The following ZC3H3 variants were observed in gnomAD, a reference collection of about 807,000 sequenced individuals.
The protein encoded by ZC3H3 is zinc finger CCCH-type containing 3, also known as zinc finger CCCH domain-containing protein 3.
ZC3H3 carries 36 observed loss-of-function variants against 77.3 expected under a neutral mutation model. The observed-to-expected ratio is 0.47, with a 90% CI of 0.36 to 0.61. ZC3H3 has a LOEUF of 0.61. Ranked by LOEUF, ZC3H3 falls within the 20% of genes least tolerant of loss-of-function variation. The probability of loss-of-function intolerance (pLI) is 0.00; values close to 1 mark genes in which losing one functional copy is unlikely to be tolerated. For synonymous variants in ZC3H3, 626 were observed against 555.2 expected (o/e 1.13, Z -1.79); for missense variants, 1,331 against 1,312.2 (o/e 1.01, Z -0.22).
At chr8:143,499,071 C>T (rs1428353984) in intron 4 of ZC3H3, among the ~76,000 whole-genome samples, 1 of 152,222 alleles carries the variant, frequency 6.6e-6, no homozygotes, top group Non-Finnish European at 1.5e-5. Flanking sequence ...CCACGCAAGC[C>T]GCATTTCTGG....
intron 5 of ZC3H3, among the ~76,000 whole-genome samples, chr8:143,472,127 T>G (rs1028284877): frequency 2.0e-5 from 3 of 152,228 alleles, no homozygotes; most frequent in Non-Finnish European, 4.4e-5. Context: ...GACCCCTGCC[T>G]GCCCTGGCTG....
chr8:143,440,994 CG>C lies in ZC3H3; in HGVS notation c.2433del (p.Ala812ProfsTer87). On this transcript the variant is annotated frameshift_variant, in exon 10 of 12. Coordinates refer to ENST00000262577, the MANE Select transcript of ZC3H3 (RefSeq NM_015117.3). LOFTEE classifies it high-confidence loss of function. ...KRHSRRAATS[P>X]APGPSDATAR... ...GCGGTTGCGTCGCTGGGCCCTGGGGCGGGGGACGTGGCTGCCCGCCGACTGT... is the reference window on the plus strand; with the variant it reads ...GCGGTTGCGTCGCTGGGCCCTGGGGCGGGGACGTGGCTGCCCGCCGACTGT... 1.4e-6 allele frequency: 2 copies of C among 1,469,176 alleles called. No individual in the cohort carries two copies. Among genetic ancestry groups the C allele is most frequent in the Non-Finnish European group, 8.9e-7 (1 of 1,117,810 alleles). 91.0% of individuals were successfully genotyped at this position (1,469,176 alleles called of 1,614,324 possible). A position where few individuals can be genotyped will look rare whatever the true frequency, so the allele number is the denominator to read the frequency against.
At chr8:143,495,063 T>G (rs1264993572) in intron 4 of ZC3H3, among the ~76,000 whole-genome samples, 1 of 152,138 alleles carries the variant, frequency 6.6e-6, no homozygotes, top group Admixed American at 6.5e-5. Context: ...TCAGCAGATG[T>G]CTTACGTCCC....
chr8:143,522,797 C>T (rs181438620), intron 3 of ZC3H3, among the ~76,000 whole-genome samples: 72 of 152,248 alleles, frequency 4.7e-4, no homozygotes, highest in Middle Eastern at 3.4e-3. Context: ...TGGTGGCGCA[C>T]ACCTGTAGTC....
At chr8:143,523,241 T>G (rs1311874358) in intron 3 of ZC3H3, 15 of 921,460 alleles carry the variant, frequency 1.6e-5, no homozygotes, top group Non-Finnish European at 1.6e-5. Flanking sequence ...CACCTCCCAC[T>G]GCACACAACC....
At chr8:143,510,769 C>T (rs1230898662) in intron 3 of ZC3H3, among the ~76,000 whole-genome samples, 1 of 152,060 alleles carries the variant, frequency 6.6e-6, no homozygotes, top group African/African-American at 2.4e-5. Context: ...TGTAGATAAT[C>T]GTGTTATTTA....
intron 4 of ZC3H3, among the ~76,000 whole-genome samples, chr8:143,505,472 G>C (rs977445709): frequency 2.0e-5 from 3 of 152,204 alleles, no homozygotes; most frequent in Non-Finnish European, 2.9e-5. Context: ...GCAGGTGGCA[G>C]GTGACCCTGG....
intron 9 of ZC3H3, among the ~76,000 whole-genome samples, chr8:143,447,738 C>T (rs371251890): frequency 6.6e-6 from 1 of 152,074 alleles, no homozygotes; most frequent in Non-Finnish European, 1.5e-5. Context: ...AGCAGGAGGA[C>T]GAGAGAGAGC....
At chr8:143,469,191 C>T (rs1820495727) in intron 5 of ZC3H3, among the ~76,000 whole-genome samples, 1 of 152,252 alleles carries the variant, frequency 6.6e-6, no homozygotes, top group East Asian at 1.9e-4. Context: ...AACAGAACAG[C>T]TGCTAACAGC....
In ZC3H3 at chr8:143,500,954, A is replaced by G. The variant is rs1341287024; in HGVS notation, c.1715+6792T>C. Among the ~76,000 whole-genome samples, 3 of 150,018 alleles carry G rather than the reference A, an allele frequency of 2.0e-5. No individual in the cohort carries two copies. The East Asian group carries it at 5.9e-4, about 29-fold the overall frequency. ...CAGCCTCCCAAGTAACTGAGATTAC[A>G]AGTGCCTGCTACCATGCCCGACCTT... On this transcript the variant is annotated intron_variant, in intron 4 of 11. Transcript: ENST00000262577.
In ZC3H3 at chr8:143,517,363, G is replaced by C. The variant is rs78273636; in HGVS notation, c.1562-9464C>G. 4.6e-3 allele frequency among the ~76,000 whole-genome samples: 704 copies of C among 152,286 alleles called. 5 individuals carry two copies. Among genetic ancestry groups the C allele is most frequent in the African/African-American group, 0.016 (653 of 41,544 alleles). Reference sequence around the variant, plus strand: ...GACAGTGCAGCAGGCAGCTAAGGGGGTTCCCAAAAAGGGTGAACACAGGCC... The same window carrying C: ...GACAGTGCAGCAGGCAGCTAAGGGGCTTCCCAAAAAGGGTGAACACAGGCC... On this transcript the variant is annotated intron_variant, in intron 3 of 11. Transcript: ENST00000262577.
At chr8:143,535,734 T>C (rs1822773904) in intron 3 of ZC3H3, among the ~76,000 whole-genome samples, 1 of 152,336 alleles carries the variant, frequency 6.6e-6, no homozygotes, top group Non-Finnish European at 1.5e-5. Flanking sequence ...CTCAGACCAG[T>C]TCTCTCCAGG....
intron 4 of ZC3H3, among the ~76,000 whole-genome samples, chr8:143,480,952 G>A (rs1054840906): frequency 3.3e-5 from 5 of 152,184 alleles, no homozygotes; most frequent in South Asian, 2.1e-4. Flanking sequence ...ATGCCCCGGC[G>A]GGACACACAC....
In ZC3H3 at chr8:143,441,094, G is replaced by C. The variant is rs1819730079; in HGVS notation, c.2334C>G (p.Cys778Trp). 1 of 1,455,860 alleles carries C rather than the reference G, an allele frequency of 6.9e-7. No individual in the cohort carries two copies. The highest frequency in any genetic ancestry group is 9.0e-7 in the Non-Finnish European group (1 of 1,115,270). 90.2% of individuals were successfully genotyped at this position (1,455,860 alleles called of 1,614,324 possible). A position where few individuals can be genotyped will look rare whatever the true frequency, so the allele number is the denominator to read the frequency against. The change falls in exon 10 of 12, where the codon TGC becomes TGG. Residue 778 changes from cysteine (C) to tryptophan (W), a missense_variant. Physicochemically the swap from Cys to Trp is radical, Grantham distance 215 (BLOSUM62 -2). Coordinates refer to ENST00000262577, the MANE Select transcript of ZC3H3 (RefSeq NM_015117.3). ...ACGCCCCCCTGCGGGCAAAGTCGGG[G>C]CACAGCAGCGTGTGTTTCTTCTTGC... ...AKCKKKHTLLCPDFARRGACP... is the reference protein window; with the variant it reads ...AKCKKKHTLLWPDFARRGACP...
At chr8:143,439,773 G>A (rs1416633988) in intron 11 of ZC3H3, among the ~76,000 whole-genome samples, 3 of 152,238 alleles carry the variant, frequency 2.0e-5, no homozygotes, top group Admixed American at 1.3e-4. Flanking sequence ...GTGGTGGTCT[G>A]AGGGGGCATT....
intron 4 of ZC3H3, among the ~76,000 whole-genome samples, chr8:143,477,982 G>C (rs1820785756): frequency 6.6e-6 from 1 of 152,092 alleles, no homozygotes; most frequent in South Asian, 2.1e-4. Context: ...CTCCCCACAG[G>C]CTCCAGTGAG....
At chr8:143,541,037 C>A (rs1396994873) in intron 1 of ZC3H3, among the ~76,000 whole-genome samples, 1 of 152,244 alleles carries the variant, frequency 6.6e-6, no homozygotes, top group African/African-American at 2.4e-5. Context: ...TAGTCCCAGC[C>A]CCGCAGTGGG....
chr8:143,439,861 A>C (rs1044201526), intron 11 of ZC3H3, among the ~76,000 whole-genome samples, 180 bp downstream of exon 11: 5 of 112,512 alleles, frequency 4.4e-5, no homozygotes, highest in East Asian at 2.3e-4. Flanking sequence ...GGCCTGAGCC[A>C]GGCCATGCTG....
intron 1 of ZC3H3, 123 bp from the exon 2 acceptor site, chr8:143,539,443 G>T: frequency 9.6e-7 from 1 of 1,042,588 alleles, no homozygotes; most frequent in Non-Finnish European, 1.3e-6. Context: ...GCCCCTGCCA[G>T]TTTCAGGAGG....
Sources: gnomAD v4.1 joint callset for allele counts (sites outside exome capture counted in the v4.1 genomes callset) on GRCh38, gnomAD v4.1.1 for gene constraint, MANE v1.5 for transcripts, NCBI Gene and HGNC (gene_info 2026-07-23, HGNC 2026-07-21) for gene names.